The following MYO18B variants were observed in gnomAD, a reference collection of about 807,000 sequenced individuals.
MYO18B encodes myosin XVIIIB.
In MYO18B, 204 loss-of-function variants were observed where a neutral mutation model predicts 273.0. The observed-to-expected ratio is 0.75, with a 90% CI of 0.67 to 0.84. The LOEUF (loss-of-function observed/expected upper bound fraction) is 0.84, where lower values mean the gene tolerates loss of function less well. Ranked by LOEUF, MYO18B falls within the 40% of genes least tolerant of loss-of-function variation. The probability of loss-of-function intolerance (pLI) is 0.00; values close to 1 mark genes in which losing one functional copy is unlikely to be tolerated. For synonymous variants in MYO18B, 1,330 were observed against 1,305.7 expected (o/e 1.02, Z -0.40); for missense variants, 3,212 against 3,287.6 (o/e 0.98, Z 0.56).
At chr22:25,885,151 C>T (rs918557132) in intron 25 of MYO18B, among the ~76,000 whole-genome samples, 9 of 152,090 alleles carry the variant, frequency 5.9e-5, no homozygotes, top group African/African-American at 1.7e-4. Flanking sequence ...CCAGCTGCTG[C>T]GATAAGTCCT....
chr22:25,884,902 T>C (rs966822438), intron 25 of MYO18B: 1 of 152,216 alleles, frequency 6.6e-6, no homozygotes, highest in Non-Finnish European at 1.5e-5. Flanking sequence ...AGAAGGTGCA[T>C]GTAAAACAGT....
At chr22:26,021,053 C>T (rs944495277) in intron 42 of MYO18B, among the ~76,000 whole-genome samples, 2 of 152,194 alleles carry the variant, frequency 1.3e-5, no homozygotes, top group Non-Finnish European at 2.9e-5. Flanking sequence ...CGTGCCACTG[C>T]TCTCCAGCCT....
chr22:25,766,693 GGTAGGAGAAGGTGACCAGTACAGTTCAT>G, intron 3 of MYO18B, among the ~76,000 whole-genome samples: 1 of 152,232 alleles, frequency 6.6e-6, no homozygotes, highest in East Asian at 1.9e-4. Context: ...GGACTGGTCA[GGTAGGAGAAGGTGACCAGTACAGTTCAT>G]GCATGGGAAC....
At chr22:26,013,717 G>A (rs768140185) in intron 42 of MYO18B, among the ~76,000 whole-genome samples, 11 of 152,196 alleles carry the variant, frequency 7.2e-5, no homozygotes, top group Non-Finnish European at 1.0e-4. Context: ...TCTAATAGGT[G>A]TTAGTAGTTT....
rs1219028043 is a variant in MYO18B, at chr22:26,026,520, C to G, written c.6546C>G (p.Val2182=). 3 of 1,613,816 alleles carry G rather than the reference C, an allele frequency of 1.9e-6. No individual in the cohort carries two copies. Among genetic ancestry groups the G allele is most frequent in the Non-Finnish European group, 2.5e-6 (3 of 1,179,898 alleles). The stretch of plus-strand genomic sequence containing the variant: ...TGAGCAGAGCCCGGTCCACCAATGT[C>G]CACAGCAAGACCTCAGGAGACAAGC... ...LALSRARSTN[V]HSKTSGDKPV... Residue 2182 remains valine, a synonymous_variant, in exon 43 of 44, where the codon GTC becomes GTG. Transcript: ENST00000335473.
intron 42 of MYO18B, among the ~76,000 whole-genome samples, chr22:26,016,556 G>A (rs1935342065): frequency 6.6e-6 from 1 of 152,166 alleles, no homozygotes; most frequent in South Asian, 2.1e-4. Context: ...CAGTGAGTGG[G>A]GATACTGGGT....
intron 42 of MYO18B, among the ~76,000 whole-genome samples, chr22:26,018,579 T>C (rs1935562986): frequency 6.6e-6 from 1 of 152,184 alleles, no homozygotes; most frequent in African/African-American, 2.4e-5. Flanking sequence ...TGCTTTTGCT[T>C]GGAGTGTCTT....
At chr22:25,747,373 G>A (rs2085811678) in intron 1 of MYO18B, among the ~76,000 whole-genome samples, 1 of 152,196 alleles carries the variant, frequency 6.6e-6, no homozygotes, top group South Asian at 2.1e-4. Flanking sequence ...AGCTCAGAAT[G>A]TTTCTCAATA....
intron 42 of MYO18B, among the ~76,000 whole-genome samples, chr22:26,008,302 A>G (rs1038043501): frequency 6.6e-6 from 1 of 152,210 alleles, no homozygotes; most frequent in Non-Finnish European, 1.5e-5. Context: ...ATCAAAGGGC[A>G]TTTGCATTTT....
chr22:25,870,792 C>T (rs1050518792), intron 22 of MYO18B, among the ~76,000 whole-genome samples: 1 of 152,102 alleles, frequency 6.6e-6, no homozygotes, highest in Non-Finnish European at 1.5e-5. Context: ...TATAACAAGC[C>T]CTCTAGGTGA....
chr22:25,931,693 T>C (rs1233773336), intron 34 of MYO18B, among the ~76,000 whole-genome samples: 1 of 148,084 alleles, frequency 6.8e-6, no homozygotes, highest in African/African-American at 2.5e-5. Context: ...TTTTTTTTTT[T>C]TTTTTTTGAG....
chr22:25,780,591 A>G (rs1308745350), intron 9 of MYO18B, among the ~76,000 whole-genome samples: 11 of 822 alleles, frequency 0.013, no homozygotes, highest in African/African-American at 0.039. Context: ...ACTCCATCTC[A>G]AAAAAAAAAA....
rs764811321 is a variant in MYO18B, at chr22:25,835,492, T to C, written c.3208+49T>C. 3 of 1,608,680 alleles carry C rather than the reference T, an allele frequency of 1.9e-6. No homozygotes were observed. The Admixed American group carries it at 5.0e-5, about 27-fold the overall frequency. On this transcript the variant is annotated intron_variant, in intron 17 of 43. Coordinates refer to ENST00000335473, the MANE Select transcript of MYO18B (RefSeq NM_032608.7). ...TGGGGCCTGAGTCCAGCCTGGGTAT[T>C]AGAATCTGTTCTTCTCTGCTGCAGG...
At chr22:25,846,003 A>G in intron 18 of MYO18B, 97 bp from the exon 19 acceptor site, 1 of 1,109,908 alleles carries the variant, frequency 9.0e-7, no homozygotes, top group Non-Finnish European at 1.2e-6. Context: ...GCCGAGGAGC[A>G]GGAAGCAAGA....
At chr22:25,797,053 C>T (rs2087946241) in intron 11 of MYO18B, among the ~76,000 whole-genome samples, 1 of 152,190 alleles carries the variant, frequency 6.6e-6, no homozygotes, top group South Asian at 2.1e-4. Context: ...CGTGGTGAAA[C>T]CCTTCTCTAC....
At position 25,891,296 on chromosome 22, in the gene MYO18B, T is replaced by C; in HGVS notation, c.4435-8T>C. 1.3e-6 allele frequency: 2 copies of C among 1,554,632 alleles called. No homozygotes were observed. The highest frequency in any genetic ancestry group is 2.7e-5 in the African/African-American group (2 of 73,438). ...GCTCTAGTTTAGACCTTGAGCCCTT[T>C]CTTCTAGAGCAAGCATGAACAAGTC... On this transcript the variant is annotated splice_region_variant and splice_polypyrimidine_tract_variant and intron_variant, in intron 26 of 43. Coordinates refer to ENST00000335473, the MANE Select transcript of MYO18B (RefSeq NM_032608.7).
intron 39 of MYO18B, among the ~76,000 whole-genome samples, chr22:25,963,676 G>A (rs564365292): frequency 6.6e-6 from 1 of 151,358 alleles, no homozygotes; most frequent in Non-Finnish European, 1.5e-5. Context: ...GTTGAAAAGA[G>A]CATTGCGCTT....
chr22:25,993,926 T>C (rs1932956858), intron 40 of MYO18B, among the ~76,000 whole-genome samples: 1 of 152,130 alleles, frequency 6.6e-6, no homozygotes. Flanking sequence ...TTCAAGTTTA[T>C]TTATATTTTC....
At chr22:25,905,617 C>T (rs2092027358) in intron 31 of MYO18B, among the ~76,000 whole-genome samples, 1 of 152,116 alleles carries the variant, frequency 6.6e-6, no homozygotes, top group Admixed American at 6.5e-5. Flanking sequence ...CCAGCCTGTG[C>T]AAAAGCCTGA....
Sources: gnomAD v4.1 joint callset for allele counts (sites outside exome capture counted in the v4.1 genomes callset) on GRCh38, gnomAD v4.1.1 for gene constraint, MANE v1.5 for transcripts, NCBI Gene and HGNC (gene_info 2026-07-23, HGNC 2026-07-21) for gene names.